The following FILIP1 variants were observed in gnomAD, a reference collection of about 807,000 sequenced individuals.
FILIP1 encodes the protein filamin A interacting protein 1, also known as filamin-A-interacting protein 1.
A neutral mutation model predicts 102.1 loss-of-function variants in FILIP1; 61 were observed. That is an observed-to-expected ratio of 0.60 (90% CI 0.49 to 0.74). The LOEUF (loss-of-function observed/expected upper bound fraction) is 0.74, where lower values mean the gene tolerates loss of function less well. Ranked by LOEUF, FILIP1 falls within the 30% of genes least tolerant of loss-of-function variation. The pLI, the probability that FILIP1 is intolerant of heterozygous loss-of-function variation, is 0.00. For missense variants in FILIP1, 1,314 were observed against 1,441.2 expected (o/e 0.91, Z 1.43); for synonymous variants, 491 against 526.9 (o/e 0.93, Z 0.93).
In FILIP1 at chr6:75,308,385, C is replaced by T; in HGVS notation, c.*306G>A. On this transcript the variant is annotated 3_prime_UTR_variant, in exon 6 of 6. Transcript: ENST00000237172. ...CTTGAAGAGCGTGTGATTGAGTCCC[C>T]ACATCTAACTGATGAGGAAACAGGC... 9.2e-7 allele frequency: 1 copy of T among 1,092,224 alleles called. No homozygotes were observed. Among genetic ancestry groups the T allele is most frequent in the Non-Finnish European group, 1.1e-6 (1 of 880,506 alleles). 67.7% of individuals were successfully genotyped at this position (1,092,224 alleles called of 1,614,324 possible).
chr6:75,308,255 T>C lies in FILIP1; in HGVS notation c.*436A>G. 1 of 987,886 alleles carries C rather than the reference T, an allele frequency of 1.0e-6. No individual in the cohort carries two copies. The highest frequency in any genetic ancestry group is 1.2e-6 in the Non-Finnish European group (1 of 830,142). The allele number at this position is 987,886 out of a possible 1,614,324, so 61.2% of individuals were successfully genotyped here. A position where few individuals can be genotyped will look rare whatever the true frequency, so the allele number is the denominator to read the frequency against. ...ATGATGTGAAAGAGGCAAATGACAATAGTTAAAGTATGTCTTATTTTGTAA... is the reference window on the plus strand; with the variant it reads ...ATGATGTGAAAGAGGCAAATGACAACAGTTAAAGTATGTCTTATTTTGTAA... On this transcript the variant is annotated 3_prime_UTR_variant, in exon 6 of 6. Coordinates refer to ENST00000237172, the MANE Select transcript of FILIP1 (RefSeq NM_015687.5).
At chr6:75,351,102 T>C (rs971296490) in intron 4 of FILIP1, among the ~76,000 whole-genome samples, 10 of 152,096 alleles carry the variant, frequency 6.6e-5, no homozygotes, top group African/African-American at 1.9e-4. Flanking sequence ...GTTTCGCTCT[T>C]GTTGCCCAGG....
intron 3 of FILIP1, chr6:75,357,395 C>T (rs1200380889): frequency 2.0e-5 from 3 of 152,250 alleles, no homozygotes; most frequent in African/African-American, 7.2e-5. Context: ...AGCCTTTTTA[C>T]ATCTATTCTT....
intron 6 of FILIP1, among the ~76,000 whole-genome samples, chr6:75,297,297 A>G (rs1208454855): frequency 1.3e-5 from 2 of 152,200 alleles, no homozygotes; most frequent in African/African-American, 4.8e-5. Context: ...TTATAGGTTC[A>G]TAGTAATTAC....
chr6:75,462,308 G>A (rs892352396), intron 1 of FILIP1, among the ~76,000 whole-genome samples: 2 of 152,072 alleles, frequency 1.3e-5, no homozygotes, highest in Non-Finnish European at 2.9e-5. Flanking sequence ...GAAATGACTT[G>A]GAGGCCCTCT....
chr6:75,479,053 C>T (rs1314464954), intron 1 of FILIP1, among the ~76,000 whole-genome samples: 1 of 152,168 alleles, frequency 6.6e-6, no homozygotes, highest in Non-Finnish European at 1.5e-5. Context: ...GTACTTGACA[C>T]TTAAGGACTA....
chr6:75,319,004 G>T, intron 4 of FILIP1: 1 of 646,324 alleles, frequency 1.5e-6, no homozygotes, highest in South Asian at 1.7e-5. Flanking sequence ...TTATAGACAT[G>T]AAAAAAAACT....
At chr6:75,442,252 C>A (rs990185561) in intron 1 of FILIP1, among the ~76,000 whole-genome samples, 1 of 151,830 alleles carries the variant, frequency 6.6e-6, no homozygotes, top group African/African-American at 2.4e-5. Flanking sequence ...CGGGCAGAGA[C>A]GCTCCTCACT....
At chr6:75,363,738 C>T (rs1472064794) in intron 2 of FILIP1, among the ~76,000 whole-genome samples, 2 of 152,162 alleles carry the variant, frequency 1.3e-5, no homozygotes, top group African/African-American at 4.8e-5. Flanking sequence ...TATGATGGAG[C>T]TGACATTTGC....
intron 1 of FILIP1, among the ~76,000 whole-genome samples, chr6:75,417,850 C>A (rs974282470): frequency 7.5e-4 from 114 of 152,278 alleles, no homozygotes; most frequent in African/African-American, 2.6e-3. Flanking sequence ...CCTCGAAGTT[C>A]TTAAACATAT....
intron 4 of FILIP1, among the ~76,000 whole-genome samples, chr6:75,351,019 T>A (rs1173940432): frequency 6.6e-6 from 1 of 152,132 alleles, no homozygotes; most frequent in East Asian, 1.9e-4. Flanking sequence ...ACTGCATATA[T>A]GATGGTGGTG....
intron 1 of FILIP1, among the ~76,000 whole-genome samples, chr6:75,489,387 T>G (rs1286605468): frequency 6.6e-6 from 1 of 152,116 alleles, no homozygotes; most frequent in Non-Finnish European, 1.5e-5. Flanking sequence ...AAATAATACA[T>G]TCTCCTGCCT....
chr6:75,353,391 T>TATCATTTGA, intron 4 of FILIP1, 148 bp downstream of exon 4: 2 of 715,008 alleles, frequency 2.8e-6, no homozygotes, highest in Non-Finnish European at 4.6e-6. Flanking sequence ...TATCATTCTC[T>TATCATTTGA]ATGGTTACCA....
intron 1 of FILIP1, among the ~76,000 whole-genome samples, chr6:75,436,661 G>A (rs991501073): frequency 6.6e-6 from 1 of 152,156 alleles, no homozygotes; most frequent in Non-Finnish European, 1.5e-5. Flanking sequence ...TGACGAGACA[G>A]GTGGAGAGAA....
chr6:75,429,692 A>C (rs1281271346), intron 1 of FILIP1, among the ~76,000 whole-genome samples: 1 of 152,200 alleles, frequency 6.6e-6, no homozygotes, highest in Admixed American at 6.5e-5. Context: ...AGGCCTAAGG[A>C]ACATGCCCTG....
chr6:75,488,259 T>C (rs551268041), intron 1 of FILIP1, among the ~76,000 whole-genome samples: 2 of 152,290 alleles, frequency 1.3e-5, no homozygotes, highest in Non-Finnish European at 2.9e-5. Context: ...AGTTCTGCAA[T>C]CAGCTGGTTA....
chr6:75,431,690 A>C (rs1057035008), intron 1 of FILIP1, among the ~76,000 whole-genome samples: 1 of 152,200 alleles, frequency 6.6e-6, no homozygotes, highest in African/African-American at 2.4e-5. Flanking sequence ...CCCCCACACC[A>C]GGCACAGCCA....
chr6:75,370,165 A>AAGAC (rs1303540449), intron 2 of FILIP1, among the ~76,000 whole-genome samples: 6 of 152,210 alleles, frequency 3.9e-5, no homozygotes, highest in African/African-American at 1.4e-4. Flanking sequence ...AGCCCTAGAA[A>AAGAC]AGACAGTCCT....
chr6:75,452,272 C>T (rs1016285115), intron 1 of FILIP1, among the ~76,000 whole-genome samples: 3 of 151,926 alleles, frequency 2.0e-5, no homozygotes, highest in Non-Finnish European at 4.4e-5. Context: ...CCCCACCCCA[C>T]AACAGTCCCC....
Sources: gnomAD v4.1 joint callset for allele counts (sites outside exome capture counted in the v4.1 genomes callset) on GRCh38, gnomAD v4.1.1 for gene constraint, MANE v1.5 for transcripts, NCBI Gene and HGNC (gene_info 2026-07-23, HGNC 2026-07-21) for gene names.